Variants in GPC5 observed in about 807,000 individuals in gnomAD.
The protein encoded by GPC5 is glypican-5.
Under a neutral mutation model 53.9 loss-of-function variants are expected in GPC5, and 47 were observed. That is an observed-to-expected ratio of 0.87 (90% CI 0.69 to 1.11). The LOEUF (loss-of-function observed/expected upper bound fraction) is 1.11. GPC5 is among the 50% of genes most tolerant of loss of function. The pLI is 0.00. For missense variants in GPC5, 748 were observed against 713.1 expected (o/e 1.05, Z -0.56); for synonymous variants, 286 against 263.3 (o/e 1.09, Z -0.84).
At chr13:92,666,945 G>C (rs867932773) in intron 7 of GPC5, among the ~76,000 whole-genome samples, 2 of 152,048 alleles carry the variant, frequency 1.3e-5, no homozygotes, top group African/African-American at 2.4e-5. Context: ...CTCGGCATTT[G>C]GTTCTATTCC....
intron 6 of GPC5, among the ~76,000 whole-genome samples, chr13:91,953,452 A>G (rs2040045383): frequency 6.6e-6 from 1 of 152,164 alleles, no homozygotes; most frequent in Non-Finnish European, 1.5e-5. Context: ...GAGTATGTAC[A>G]AACCAAATTA....
At chr13:92,233,268 G>C (rs994505336) in intron 7 of GPC5, among the ~76,000 whole-genome samples, 1 of 152,206 alleles carries the variant, frequency 6.6e-6, no homozygotes, top group Admixed American at 6.5e-5. Context: ...TGATTCTACT[G>C]TATAAAACAA....
At chr13:92,785,134 C>A (rs537601597) in intron 7 of GPC5, among the ~76,000 whole-genome samples, 1 of 151,854 alleles carries the variant, frequency 6.6e-6, no homozygotes, top group South Asian at 2.1e-4. Flanking sequence ...AAATTAGTTG[C>A]GCATGGTGGC....
intron 7 of GPC5, among the ~76,000 whole-genome samples, chr13:92,668,813 ATT>A (rs1265260422): frequency 6.6e-6 from 1 of 152,104 alleles, no homozygotes; most frequent in Non-Finnish European, 1.5e-5. Flanking sequence ...TGTTATAATT[ATT>A]GAGATTAATT....
At chr13:92,017,846 C>G (rs1425258159) in intron 6 of GPC5, among the ~76,000 whole-genome samples, 4 of 150,860 alleles carry the variant, frequency 2.7e-5, no homozygotes, top group Admixed American at 1.3e-4. Flanking sequence ...ATACACACTT[C>G]CACAAAATAC....
intron 2 of GPC5, among the ~76,000 whole-genome samples, chr13:91,620,491 C>T (rs1237535928): frequency 6.6e-6 from 1 of 152,062 alleles, no homozygotes; most frequent in East Asian, 1.9e-4. Flanking sequence ...GAAGATTGGG[C>T]TACAATTTCT....
intron 5 of GPC5, among the ~76,000 whole-genome samples, chr13:91,843,560 T>C (rs973326077): frequency 5.3e-5 from 8 of 152,198 alleles, no homozygotes; most frequent in African/African-American, 1.9e-4. Flanking sequence ...CACCTTGTAA[T>C]AGTCTTCAGA....
At chr13:91,841,003 T>C (rs1456956618) in intron 5 of GPC5, among the ~76,000 whole-genome samples, 1 of 152,056 alleles carries the variant, frequency 6.6e-6, no homozygotes, top group African/African-American at 2.4e-5. Context: ...ATACTTTGAA[T>C]TGATTGTTAG....
chr13:91,492,672 T>G (rs1884007081), intron 2 of GPC5, among the ~76,000 whole-genome samples: 1 of 152,204 alleles, frequency 6.6e-6, no homozygotes, highest in Non-Finnish European at 1.5e-5. Context: ...AGAAATACCC[T>G]CAGAGACATA....
intron 5 of GPC5, among the ~76,000 whole-genome samples, chr13:91,825,556 C>A (rs773121461): frequency 3.3e-5 from 5 of 152,044 alleles, no homozygotes; most frequent in Admixed American, 6.6e-5. Flanking sequence ...AAATTATAAA[C>A]CCTGGGGAAA....
At chr13:92,650,883 C>A (rs1241517182) in intron 7 of GPC5, among the ~76,000 whole-genome samples, 1 of 152,060 alleles carries the variant, frequency 6.6e-6, no homozygotes, top group Non-Finnish European at 1.5e-5. Context: ...CGGTGGTTTG[C>A]TGCATCTATT....
chr13:91,846,840 A>T (rs977293892), intron 5 of GPC5, among the ~76,000 whole-genome samples: 5 of 152,092 alleles, frequency 3.3e-5, no homozygotes, highest in Non-Finnish European at 7.4e-5. Flanking sequence ...AGGTTTTGGG[A>T]AAATGGATAA....
At chr13:92,287,432 T>C (rs1263346245) in intron 7 of GPC5, among the ~76,000 whole-genome samples, 1 of 152,174 alleles carries the variant, frequency 6.6e-6, no homozygotes, top group African/African-American at 2.4e-5. Flanking sequence ...GTTCTATTCA[T>C]TAGTAAAAGT....
chr13:92,525,107 G>A (rs1185232683), intron 7 of GPC5, among the ~76,000 whole-genome samples: 1 of 152,002 alleles, frequency 6.6e-6, no homozygotes, highest in Non-Finnish European at 1.5e-5. Context: ...CCATCGCATG[G>A]CACATGACTG....
intron 4 of GPC5, 68 bp from the exon 5 acceptor site, chr13:91,756,227 C>A: frequency 8.6e-7 from 1 of 1,165,520 alleles, no homozygotes; most frequent in Non-Finnish European, 1.2e-6. Context: ...TATAACAATA[C>A]ATATCATTTT....
At chr13:91,741,244 A>G (rs1301383338) in intron 4 of GPC5, among the ~76,000 whole-genome samples, 6 of 152,218 alleles carry the variant, frequency 3.9e-5, no homozygotes, top group Admixed American at 3.9e-4. Context: ...TCAGAACTTA[A>G]TTGAAATATT....
intron 7 of GPC5, among the ~76,000 whole-genome samples, chr13:92,844,472 C>T (rs1295680262): frequency 6.6e-6 from 1 of 151,948 alleles, no homozygotes; most frequent in African/African-American, 2.4e-5. Context: ...GGAGTAGAAA[C>T]TTAAAAATAA....
chr13:91,639,853 A>T (rs769519624), intron 2 of GPC5, among the ~76,000 whole-genome samples: 62 of 152,310 alleles, frequency 4.1e-4, no homozygotes, highest in Middle Eastern at 3.4e-3. Context: ...AGTAGGCTTT[A>T]TTGTCTTCAT....
At chr13:92,385,488 A>G (rs182981165) in intron 7 of GPC5, among the ~76,000 whole-genome samples, 1,125 of 58,860 alleles carry the variant, frequency 0.019, 52 homozygotes, top group East Asian at 0.054. Flanking sequence ...ACATATATAC[A>G]CATATATACA....
Sources: gnomAD v4.1 joint callset for allele counts (sites outside exome capture counted in the v4.1 genomes callset) on GRCh38, gnomAD v4.1.1 for gene constraint, MANE v1.5 for transcripts, NCBI Gene and HGNC (gene_info 2026-07-23, HGNC 2026-07-21) for gene names.